ZNF665: variants seen among roughly 807,000 people sequenced by gnomAD.
ZNF665 encodes zinc finger protein 665.
Under a neutral mutation model 7.9 loss-of-function variants are expected in ZNF665, and 6 were observed. The observed-to-expected ratio is 0.76, with a 90% CI of 0.42 to 1.50. The LOEUF (loss-of-function observed/expected upper bound fraction) is 1.50. ZNF665 is among the 40% of genes most tolerant of loss of function. ZNF665 has a pLI of 0.01. For synonymous variants in ZNF665, 242 were observed against 274.5 expected, an observed-to-expected ratio of 0.88 and a Z score of 1.17; for missense variants, 819 against 806.7, an observed-to-expected ratio of 1.02 and a Z score of -0.18.
intron 3 of ZNF665, among the ~76,000 whole-genome samples, chr19:53,170,466 C>T (rs1425131744): frequency 1.3e-5 from 2 of 152,222 alleles, no homozygotes; most frequent in East Asian, 1.9e-4. Context: ...CAACCCCACC[C>T]TCTTGTAACC....
chr19:53,165,314 A>T lies in ZNF665; in HGVS notation c.1176T>A (p.His392Gln). Reference sequence around the variant, plus strand: ...GCTTTTCTCCGGTATGGATGATCTGATGCTTAGTTAAGTTTGAATGCATAC... The same window carrying T: ...GCTTTTCTCCGGTATGGATGATCTGTTGCTTAGTTAAGTTTGAATGCATAC... ...AFSMHSNLTK[H>Q]QIIHTGEKPF... The change falls in exon 4 of 4, where the codon CAT becomes CAA. Residue 392 changes from histidine to glutamine, a missense_variant. His to Gln is a conservative substitution (Grantham distance 24). Coordinates refer to ENST00000396424, the MANE Select transcript of ZNF665 (RefSeq NM_024733.5). The T allele has an allele frequency of 1.2e-6, 2 of 1,613,406 alleles. No individual in the cohort carries two copies. Among genetic ancestry groups the T allele is most frequent in the Non-Finnish European group, 1.7e-6 (2 of 1,179,600 alleles).
At chr19:53,176,248 G>A (rs1026226468) in intron 2 of ZNF665, among the ~76,000 whole-genome samples, 1 of 152,124 alleles carries the variant, frequency 6.6e-6, no homozygotes, top group Non-Finnish European at 1.5e-5. Flanking sequence ...AAGGGAAGAA[G>A]GGCTGAAGGT....
At chr19:53,184,919 G>C (rs1293967998) in intron 1 of ZNF665, among the ~76,000 whole-genome samples, 1 of 152,028 alleles carries the variant, frequency 6.6e-6, no homozygotes, top group African/African-American at 2.4e-5. Flanking sequence ...GGCAGCCGAG[G>C]CAGAGAGAGA....
Position 53,164,600 on chromosome 19 carries a change from C to T in ZNF665, c.1890G>A (p.Glu630=). The T allele has an allele frequency of 6.2e-7, 1 of 1,614,192 alleles. No individual in the cohort carries two copies. Among genetic ancestry groups the T allele is most frequent in the South Asian group, 1.1e-5 (1 of 91,082 alleles). Residue 630 remains glutamate (E), a synonymous_variant, in exon 4 of 4, where the codon GAG becomes GAA. Transcript: ENST00000396424. ...HTGEKPYRCN[E]CGKAFSVRST... ...AACGAACACTGAAGGCTTTCCCACACTCATTACACCTATAAGGTTTTTCTC... is the reference window on the plus strand; with the variant it reads ...AACGAACACTGAAGGCTTTCCCACATTCATTACACCTATAAGGTTTTTCTC...
chr19:53,165,228 C>A lies in ZNF665; in HGVS notation c.1262G>T (p.Arg421Leu). The A allele has an allele frequency of 6.2e-7, 1 of 1,613,642 alleles. No individual in the cohort carries two copies. The highest frequency in any genetic ancestry group is 1.3e-5 in the African/African-American group (1 of 74,850). ...AGGTTTCTCTCCAGTATGAATTCTTCGATGATTTGCTAAGTGTGAATACTG... is the reference window on the plus strand; with the variant it reads ...AGGTTTCTCTCCAGTATGAATTCTTAGATGATTTGCTAAGTGTGAATACTG... ...FTQYSHLANH[R>L]RIHTGEKPYR... The change falls in exon 4 of 4, where the codon CGA becomes CTA. Residue 421 changes from arginine (R) to leucine (L), a missense_variant. Transcript: ENST00000396424.
At chr19:53,189,322 G>A (rs2090796639) in intron 1 of ZNF665, among the ~76,000 whole-genome samples, 2 of 151,702 alleles carry the variant, frequency 1.3e-5, no homozygotes, top group Non-Finnish European at 2.9e-5. Flanking sequence ...TGCGCCCGGG[G>A]GACCACTACC....
chr19:53,193,051 G>A (rs36087697), intron 1 of ZNF665, among the ~76,000 whole-genome samples: 44,598 of 152,002 alleles, frequency 0.29, 7,266 homozygotes, highest in Middle Eastern at 0.43. Flanking sequence ...GCGCAGGTCA[G>A]TAAAGGGTTT....
chr19:53,185,168 C>T (rs1599885219), intron 1 of ZNF665, among the ~76,000 whole-genome samples: 1 of 151,610 alleles, frequency 6.6e-6, no homozygotes, highest in East Asian at 2.0e-4. Context: ...GGAGCAGAGT[C>T]TTCTCTAAAC....
chr19:53,174,238 C>T lies in ZNF665; in HGVS notation c.142+1207G>A, dbSNP rs578212389. On this transcript the variant is annotated intron_variant, in intron 3 of 3. Coordinates refer to ENST00000396424, the MANE Select transcript of ZNF665 (RefSeq NM_024733.5). ...GGAGAGACTAAGGAGGAGAGCAACC[C>T]TTTTGAAAGGGACTAAGAGTTCATA... Among the ~76,000 whole-genome samples the T allele has an allele frequency of 3.3e-5, 5 of 152,182 alleles. No homozygotes were observed. In the East Asian group the frequency reaches 7.7e-4, roughly 24 times the overall value.
chr19:53,164,835 C>G lies in ZNF665; in HGVS notation c.1655G>C (p.Arg552Thr). 6.2e-7 allele frequency: 1 copy of G among 1,614,106 alleles called. No individual in the cohort carries two copies. Among genetic ancestry groups the G allele is most frequent in the Non-Finnish European group, 8.5e-7 (1 of 1,180,002 alleles). The change falls in exon 4 of 4, where the codon AGA (arginine) becomes ACA (threonine). Residue 552 changes from arginine to threonine, a missense_variant. Transcript: ENST00000396424. ...YKCNDCGKVF[R>T]HNSYLAIHQR... ...ATGAATTGCAAGGTACGAATTGTGT[C>G]TGAAGACCTTGCCGCAATCATTACA...
chr19:53,172,319 A>T (rs1377447224), intron 3 of ZNF665, among the ~76,000 whole-genome samples: 3 of 151,982 alleles, frequency 2.0e-5, no homozygotes, highest in Non-Finnish European at 4.4e-5. Flanking sequence ...TAGTACTTTT[A>T]TTTTTATTTT....
At position 53,164,519 on chromosome 19, in the gene ZNF665, G is replaced by C. The variant is rs1484467098; in HGVS notation, c.1971C>G (p.Asn657Lys). 1 of 1,611,948 alleles carries C rather than the reference G, an allele frequency of 6.2e-7. No individual in the cohort carries two copies. Among genetic ancestry groups the C allele is most frequent in the Non-Finnish European group, 8.5e-7 (1 of 1,179,298 alleles). Residue 657 changes from asparagine (N) to lysine (K), a missense_variant, in exon 4 of 4, where the codon AAC (asparagine) becomes AAG (lysine). Physicochemically the swap from Asn to Lys is moderately conservative, Grantham distance 94. Coordinates refer to ENST00000396424, the MANE Select transcript of ZNF665 (RefSeq NM_024733.5). ...TTTGAGTAAAGACCTTGCCACATTG[G>C]TTACATTTGTAAGGTTTGTCTCCAG... is the stretch of plus-strand genomic sequence containing the variant. The part of the protein sequence containing the change: ...VHTGDKPYKC[N>K]QCGKVFTQNS...
At chr19:53,166,391 G>T in intron 3 of ZNF665, 44 bp from the exon 4 acceptor site, 3 of 1,467,154 alleles carry the variant, frequency 2.0e-6, no homozygotes, top group South Asian at 1.5e-5. Context: ...AACTATAGTA[G>T]GTAAATAACT....
intron 2 of ZNF665, among the ~76,000 whole-genome samples, chr19:53,176,625 G>A (rs1417612493): frequency 6.6e-6 from 1 of 152,202 alleles, no homozygotes; most frequent in Non-Finnish European, 1.5e-5. Context: ...GTTTGTGAAT[G>A]GCAATGAGGT....
rs911715784 is a variant in ZNF665, at chr19:53,163,536, G to A, written c.*917C>T. 1 of 152,168 alleles carries A rather than the reference G, an allele frequency of 6.6e-6. No homozygotes were observed. The highest frequency in any genetic ancestry group is 1.5e-5 in the Non-Finnish European group (1 of 68,042). 9.4% of individuals were successfully genotyped at this position (152,168 alleles called of 1,614,324 possible). A position where few individuals can be genotyped will look rare whatever the true frequency, so the allele number is the denominator to read the frequency against. On this transcript the variant is annotated 3_prime_UTR_variant, in exon 4 of 4. Coordinates refer to ENST00000396424, the MANE Select transcript of ZNF665 (RefSeq NM_024733.5). ...AGAAATAATCCTCACCTAATGAAGT[G>A]AGTGAGCCCTTCCATCCTTTGATTC...
intron 2 of ZNF665, chr19:53,182,649 T>G (rs2090746599): frequency 1.2e-6 from 1 of 866,950 alleles, no homozygotes; most frequent in Non-Finnish European, 1.9e-6. Context: ...TCCATCCATG[T>G]CGGGGTGTGA....
chr19:53,176,463 T>C (rs2090699150), intron 2 of ZNF665, among the ~76,000 whole-genome samples: 1 of 152,220 alleles, frequency 6.6e-6, no homozygotes, highest in African/African-American at 2.4e-5. Flanking sequence ...ACCTGCATTC[T>C]TTGTTATATC....
rs547089579 is a variant in ZNF665 at position 53,168,388 on chromosome 19, G to A, written c.143-2041C>T. On this transcript the variant is annotated intron_variant, in intron 3 of 3. Coordinates refer to ENST00000396424, the MANE Select transcript of ZNF665 (RefSeq NM_024733.5). The stretch of plus-strand genomic sequence containing the variant: ...ACATTAAATACTTAGAGAAAAGTCC[G>A]ACAGCAGATATGAAGAACCTATACA... Among the ~76,000 whole-genome samples the A allele has an allele frequency of 2.5e-4, 38 of 152,218 alleles. 1 individual carries two copies. In the East Asian group the frequency reaches 4.8e-3, roughly 19 times the overall value.
intron 1 of ZNF665, among the ~76,000 whole-genome samples, chr19:53,192,268 C>G (rs1026003444): frequency 6.6e-6 from 1 of 152,130 alleles, no homozygotes; most frequent in Non-Finnish European, 1.5e-5. Flanking sequence ...CTTGTCCCCA[C>G]TCTTTGGCAC....
Sources: allele counts gnomAD v4.1 joint callset (sites outside exome capture counted in the v4.1 genomes callset), GRCh38; gene constraint gnomAD v4.1.1; transcripts MANE v1.5; gene names NCBI Gene and HGNC (gene_info 2026-07-23, HGNC 2026-07-21).